The following ZNF148 variants were observed in gnomAD, a reference collection of about 807,000 sequenced individuals.
The protein encoded by ZNF148 is zinc finger protein 148, also known as Beta-Enolase Repressor Factor-1.
Under a neutral mutation model 67.7 loss-of-function variants are expected in ZNF148, and 7 were observed. The ratio of observed to expected loss-of-function variants is 0.10; its 90% CI spans 0.06 to 0.19. The LOEUF (loss-of-function observed/expected upper bound fraction) is 0.19, where lower values mean the gene tolerates loss of function less well. Ranked by LOEUF, ZNF148 falls within the 10% of genes least tolerant of loss-of-function variation. ZNF148 has a pLI of 1.00. For synonymous variants in ZNF148, 333 were observed against 330.7 expected (o/e 1.01, Z -0.08); for missense variants, 583 against 947.1 (o/e 0.62, Z 5.05).
At chr3:125,284,340 A>G (rs1304401999) in intron 5 of ZNF148, among the ~76,000 whole-genome samples, 1 of 152,188 alleles carries the variant, frequency 6.6e-6, no homozygotes, top group Admixed American at 6.6e-5. Flanking sequence ...TTCAAGCTTA[A>G]GAGTATAACA....
chr3:125,364,783 G>A (rs959765392), intron 1 of ZNF148, among the ~76,000 whole-genome samples: 5 of 152,148 alleles, frequency 3.3e-5, no homozygotes, highest in Non-Finnish European at 5.9e-5. Context: ...TAAGATTGGA[G>A]CACTTTACTG....
intron 4 of ZNF148, among the ~76,000 whole-genome samples, chr3:125,294,412 C>T (rs921794384): frequency 3.9e-5 from 6 of 152,196 alleles, no homozygotes; most frequent in African/African-American, 1.4e-4. Flanking sequence ...CATACGGTTA[C>T]ATAAGTTTTA....
Position 125,328,213 on chromosome 3 carries a change from C to T in ZNF148, c.-153+2945G>A, listed in dbSNP as rs185203978. Among the ~76,000 whole-genome samples the T allele has an allele frequency of 8.9e-4, 136 of 152,100 alleles. 1 individual carries two copies. The highest frequency in any genetic ancestry group is 3.2e-3 in the African/African-American group (131 of 41,518). On this transcript the variant is annotated intron_variant, in intron 2 of 8. Coordinates refer to ENST00000360647, the MANE Select transcript of ZNF148 (RefSeq NM_021964.3). ...CATTCAGAGATGCTACAACCTGGAGCGAAAAGTGAGCCCTATAATCAATGA... is the reference window on the plus strand; with the variant it reads ...CATTCAGAGATGCTACAACCTGGAGTGAAAAGTGAGCCCTATAATCAATGA...
At chr3:125,372,063 C>CAA (rs35024355) in intron 1 of ZNF148, among the ~76,000 whole-genome samples, 5 of 115,760 alleles carry the variant, frequency 4.3e-5, no homozygotes, top group Admixed American at 8.9e-5. Context: ...GACTCCGTCT[C>CAA]AAAAAAAAAA....
intron 5 of ZNF148, among the ~76,000 whole-genome samples, chr3:125,281,877 T>G (rs1481692669): frequency 2.0e-5 from 3 of 152,320 alleles, no homozygotes; most frequent in Middle Eastern, 6.8e-3. Flanking sequence ...TAAACTCATC[T>G]TGACTCAGAT....
chr3:125,373,680 G>C (rs559337516), intron 1 of ZNF148, among the ~76,000 whole-genome samples: 4 of 152,148 alleles, frequency 2.6e-5, no homozygotes, highest in African/African-American at 9.7e-5. Context: ...CCCACACTTT[G>C]CTGGCTGATA....
At chr3:125,279,748 TA>T (rs397716651) in intron 5 of ZNF148, among the ~76,000 whole-genome samples, 234 of 147,636 alleles carry the variant, frequency 1.6e-3, no homozygotes, top group East Asian at 6.5e-3. Context: ...TTTGTTAAGT[TA>T]AAAAAAAAAA....
rs770945852 is a variant in ZNF148 at position 125,313,492 on chromosome 3, C to T, written c.149G>A (p.Arg50Gln). ...AAGGATCTCCTGGTGAGGCATACTT[C>T]GATCTTGAAGTACTGAATCCTGTAG... ...GELQDSVLQD[R>Q]SMPHQEILAA... Residue 50 changes from arginine (R) to glutamine (Q), a missense_variant, in exon 4 of 9, where the codon CGA (arginine) becomes CAA (glutamine). Coordinates refer to ENST00000360647, the MANE Select transcript of ZNF148 (RefSeq NM_021964.3). 3.1e-6 allele frequency: 5 copies of T among 1,614,124 alleles called. No homozygotes were observed. The highest frequency in any genetic ancestry group is 4.2e-6 in the Non-Finnish European group (5 of 1,180,020).
At chr3:125,294,632 T>A (rs1157963798) in intron 4 of ZNF148, among the ~76,000 whole-genome samples, 1 of 152,172 alleles carries the variant, frequency 6.6e-6, no homozygotes, top group African/African-American at 2.4e-5. Context: ...CCATGCACTG[T>A]CCTAAGTGCT....
chr3:125,274,257 C>T (rs758133411), intron 7 of ZNF148, among the ~76,000 whole-genome samples: 3 of 152,142 alleles, frequency 2.0e-5, no homozygotes, highest in Non-Finnish European at 4.4e-5. Flanking sequence ...TAATTATCTT[C>T]GACCTTAGCC....
chr3:125,322,112 C>A (rs1486728112), intron 3 of ZNF148, among the ~76,000 whole-genome samples: 2 of 141,866 alleles, frequency 1.4e-5, no homozygotes, highest in African/African-American at 5.4e-5. Context: ...TCACTGCAAG[C>A]TATGCCTCCC....
chr3:125,324,385 A>C (rs1940929936), intron 2 of ZNF148, among the ~76,000 whole-genome samples: 1 of 152,190 alleles, frequency 6.6e-6, no homozygotes, highest in Admixed American at 6.5e-5. Context: ...ATGGTTATAA[A>C]ATCAGCAAGA....
Position 125,279,143 on chromosome 3 carries a change from T to C in ZNF148, c.564A>G (p.Arg188=), listed in dbSNP as rs1219114830. The C allele has an allele frequency of 1.9e-6, 3 of 1,604,074 alleles. No homozygotes were observed. Among genetic ancestry groups the C allele is most frequent in the South Asian group, 2.3e-5 (2 of 88,270 alleles). The change falls in exon 6 of 9, where the codon AGA becomes AGG. Residue 188 remains arginine, a synonymous_variant. Transcript: ENST00000360647. ...AAATACCTGTATGAATGAAGACATG[T>C]CTCTGTAAGTGATAGTTCGTTCTAA... The part of the protein sequence containing the change: ...AAFRTNYHLQ[R]HVFIHTGEKP...
At chr3:125,336,165 A>G (rs1226378905) in intron 1 of ZNF148, among the ~76,000 whole-genome samples, 2 of 152,212 alleles carry the variant, frequency 1.3e-5, no homozygotes, top group Non-Finnish European at 2.9e-5. Context: ...TGCTCCCATG[A>G]GCACTACCAA....
At chr3:125,351,973 T>G (rs1011455755) in intron 1 of ZNF148, among the ~76,000 whole-genome samples, 1 of 152,196 alleles carries the variant, frequency 6.6e-6, no homozygotes, top group African/African-American at 2.4e-5. Flanking sequence ...CTTTGAAACA[T>G]AGTCTGGAAG....
rs187868998 is a variant in ZNF148 at position 125,262,658 on chromosome 3, T to C, written c.667+15068A>G. Among the ~76,000 whole-genome samples, 35 of 152,362 alleles carry C rather than the reference T, an allele frequency of 2.3e-4. 1 individual carries two copies. The highest frequency in any genetic ancestry group is 7.9e-4 in the African/African-American group (33 of 41,586). On this transcript the variant is annotated intron_variant, in intron 7 of 8. Transcript: ENST00000360647. ...TCTTCAGTGATTGAGATTGGTGATA[T>C]TAATTCAGAAAAAGTTTAATTTTGG...
intron 7 of ZNF148, 35 bp downstream of exon 7, chr3:125,277,691 T>C (rs752629544): frequency 6.4e-7 from 1 of 1,562,408 alleles, no homozygotes; most frequent in East Asian, 2.3e-5. Context: ...GAAATAATCA[T>C]TTTAATGAAC....
At chr3:125,359,923 T>C (rs1942484407) in intron 1 of ZNF148, among the ~76,000 whole-genome samples, 1 of 152,192 alleles carries the variant, frequency 6.6e-6, no homozygotes, top group African/African-American at 2.4e-5. Context: ...CACCAGCTGC[T>C]AAGTGCACCG....
At chr3:125,268,399 A>G (rs957300868) in intron 7 of ZNF148, among the ~76,000 whole-genome samples, 3 of 152,104 alleles carry the variant, frequency 2.0e-5, no homozygotes, top group Non-Finnish European at 4.4e-5. Flanking sequence ...ACCCAGAAAA[A>G]AAAGCTGCAC....
Sources: allele counts gnomAD v4.1 joint callset (sites outside exome capture counted in the v4.1 genomes callset), GRCh38; gene constraint gnomAD v4.1.1; transcripts MANE v1.5; gene names NCBI Gene and HGNC (gene_info 2026-07-23, HGNC 2026-07-21).